LSM11: variants seen among roughly 807,000 people sequenced by gnomAD.
LSM11 encodes the protein U7 snRNA-associated Sm-like protein LSm11.
A neutral mutation model predicts 28.1 loss-of-function variants in LSM11; 14 were observed. The ratio of observed to expected loss-of-function variants is 0.50; its 90% CI spans 0.33 to 0.78. The LOEUF (loss-of-function observed/expected upper bound fraction) is 0.78. Ranked by LOEUF, LSM11 falls within the 30% of genes least tolerant of loss-of-function variation. The probability of loss-of-function intolerance (pLI) is 0.02; values close to 1 mark genes in which losing one functional copy is unlikely to be tolerated. For missense variants in LSM11, 495 were observed against 510.6 expected, an observed-to-expected ratio of 0.97 and a Z score of 0.30; for synonymous variants, 207 against 214.2, an observed-to-expected ratio of 0.97 and a Z score of 0.30.
Position 157,743,796 on chromosome 5 carries a change from C to A in LSM11, c.46C>A (p.Pro16Thr). ...GGCGAGGTCGGCTGGCGCCGGGAGC[C>A]CCGCGCGCCCGCCCAGCCCGCGGCT... Reference protein sequence around the residue: ...RGARSAGAGSPARPPSPRLDV... With the variant: ...RGARSAGAGSTARPPSPRLDV... The change falls in exon 1 of 4, where the codon CCC becomes ACC. Residue 16 changes from proline (P) to threonine (T), a missense_variant. Physicochemically the swap from Pro to Thr is conservative, Grantham distance 38. Coordinates refer to ENST00000286307, the MANE Select transcript of LSM11 (RefSeq NM_173491.4). 6.9e-7 allele frequency: 1 copy of A among 1,458,274 alleles called. No homozygotes were observed. Among genetic ancestry groups the A allele is most frequent in the Non-Finnish European group, 9.0e-7 (1 of 1,109,130 alleles). 90.3% of individuals were successfully genotyped at this position (1,458,274 alleles called of 1,614,324 possible).
In LSM11 at chr5:157,760,116, G is replaced by GGT. The variant is rs1220002617; in HGVS notation, c.*4853_*4854insTG. 1 of 152,186 alleles carries GGT rather than the reference G, an allele frequency of 6.6e-6. No individual in the cohort carries two copies. Among genetic ancestry groups the GGT allele is most frequent in the African/African-American group, 2.4e-5 (1 of 41,442 alleles). 9.4% of individuals were successfully genotyped at this position (152,186 alleles called of 1,614,324 possible). ...CTTTAAAAACACTCCTTGGAAAGAT[G>GGT]GGGACTGTCCCTTAGGAAAGCCATA... On this transcript the variant is annotated 3_prime_UTR_variant, in exon 4 of 4. Transcript: ENST00000286307.
In LSM11 at chr5:157,757,476, A is replaced by G. The variant is rs775088817; in HGVS notation, c.*2212A>G. On this transcript the variant is annotated 3_prime_UTR_variant, in exon 4 of 4. Transcript: ENST00000286307. ...AAAAATGACACATCCCGAAAGGGCA[A>G]TCTGTGGAAGTTTGTTGTTTGTTTG... 2.0e-5 allele frequency: 3 copies of G among 152,202 alleles called. No individual in the cohort carries two copies. Among genetic ancestry groups the G allele is most frequent in the Non-Finnish European group, 2.9e-5 (2 of 68,042 alleles). The allele number at this position is 152,202 out of a possible 1,614,324, so 9.4% of individuals were successfully genotyped here. A position where few individuals can be genotyped will look rare whatever the true frequency, so the allele number is the denominator to read the frequency against.
chr5:157,749,906 A>G (rs1761204728), intron 1 of LSM11, among the ~76,000 whole-genome samples: 1 of 152,248 alleles, frequency 6.6e-6, no homozygotes, highest in Non-Finnish European at 1.5e-5. Context: ...TAGTTATCCA[A>G]ACTGAAGTGC....
At position 157,759,987 on chromosome 5, in the gene LSM11, T is replaced by G. The variant is rs931534587; in HGVS notation, c.*4723T>G. ...CTGACAAGAAATAGTTCTGGATGGT[T>G]TGAAGATCTGCGGGGAAAAATAAGT... is the stretch of plus-strand genomic sequence containing the variant. On this transcript the variant is annotated 3_prime_UTR_variant, in exon 4 of 4. Coordinates refer to ENST00000286307, the MANE Select transcript of LSM11 (RefSeq NM_173491.4). 6.6e-6 allele frequency: 1 copy of G among 152,248 alleles called. No individual in the cohort carries two copies. The highest frequency in any genetic ancestry group is 2.4e-5 in the African/African-American group (1 of 41,468). The allele number at this position is 152,248 out of a possible 1,614,324, so 9.4% of individuals were successfully genotyped here.
chr5:157,753,589 TC>T (rs1761275680), intron 2 of LSM11, among the ~76,000 whole-genome samples: 2 of 152,200 alleles, frequency 1.3e-5, no homozygotes, highest in Admixed American at 6.5e-5. Flanking sequence ...CAAAGTGGGA[TC>T]TAAAGCCATC....
rs776789378 is a variant in LSM11, at chr5:157,754,995, C to T, written c.814C>T (p.Arg272Trp). The change falls in exon 4 of 4, where the codon CGG (arginine) becomes TGG (tryptophan). Residue 272 changes from arginine to tryptophan, a missense_variant. By Grantham distance (101) the Arg-to-Trp change is moderately radical. Transcript: ENST00000286307. ...AGTGTGGGGAAGAGCAGACACTGGC[C>T]GGGGCTCACACAAGCGTTCCCGCTC... ...ASVWGRADTG[R>W]GSHKRSRSVP... The T allele has an allele frequency of 9.9e-6, 16 of 1,614,084 alleles. No homozygotes were observed. Among genetic ancestry groups the T allele is most frequent in the East Asian group, 2.2e-5 (1 of 44,884 alleles).
chr5:157,754,787 C>G, intron 3 of LSM11, 67 bp from the exon 4 acceptor site: 2 of 1,372,874 alleles, frequency 1.5e-6, no homozygotes, highest in East Asian at 2.5e-5. Context: ...TGGTCTTTTT[C>G]TGTATGTTGA....
In LSM11 at chr5:157,755,472, A is replaced by G. The variant is rs1761309660; in HGVS notation, c.*208A>G. On this transcript the variant is annotated 3_prime_UTR_variant, in exon 4 of 4. Transcript: ENST00000286307. ...AGGCGTTTGCATTAATATCAAGGCAAAAAGCATTCATAGATACATGCATCT... is the reference window on the plus strand; with the variant it reads ...AGGCGTTTGCATTAATATCAAGGCAGAAAGCATTCATAGATACATGCATCT... 3 of 589,876 alleles carry G rather than the reference A, an allele frequency of 5.1e-6. No homozygotes were observed. The highest frequency in any genetic ancestry group is 8.9e-6 in the Non-Finnish European group (3 of 336,064). 36.5% of individuals were successfully genotyped at this position (589,876 alleles called of 1,614,324 possible). A position where few individuals can be genotyped will look rare whatever the true frequency, so the allele number is the denominator to read the frequency against.
intron 1 of LSM11, among the ~76,000 whole-genome samples, chr5:157,751,119 G>C (rs1395111975): frequency 1.3e-5 from 2 of 152,194 alleles, no homozygotes; most frequent in Non-Finnish European, 2.9e-5. Context: ...GTTAAAATCA[G>C]TGACATCGTG....
intron 1 of LSM11, among the ~76,000 whole-genome samples, chr5:157,744,501 C>A (rs935073495): frequency 1.3e-5 from 2 of 151,914 alleles, no homozygotes; most frequent in African/African-American, 4.8e-5. Flanking sequence ...TAATCGGGGC[C>A]CATGGAAGGG....
At chr5:157,745,472 T>G (rs1761133399) in intron 1 of LSM11, among the ~76,000 whole-genome samples, 1 of 152,204 alleles carries the variant, frequency 6.6e-6, no homozygotes, top group South Asian at 2.1e-4. Context: ...GTTCCCAAAA[T>G]GAGAGCAGTT....
chr5:157,753,988 T>C lies in LSM11; in HGVS notation c.589-16T>C, dbSNP rs746700403. 6.7e-7 allele frequency: 1 copy of C among 1,503,218 alleles called. No individual in the cohort carries two copies. Among genetic ancestry groups the C allele is most frequent in the East Asian group, 2.5e-5 (1 of 40,616 alleles). 93.1% of individuals were successfully genotyped at this position (1,503,218 alleles called of 1,614,324 possible). ...TAATTCTGTCTAATGTTTTTCCTTT[T>C]GGGCTGTTCCTCTAGGCACTTACTG... On this transcript the variant is annotated splice_polypyrimidine_tract_variant and intron_variant, in intron 2 of 3. Coordinates refer to ENST00000286307, the MANE Select transcript of LSM11 (RefSeq NM_173491.4).
At position 157,760,218 on chromosome 5, in the gene LSM11, T is replaced by C. The variant is rs1761388897; in HGVS notation, c.*4954T>C. On this transcript the variant is annotated 3_prime_UTR_variant, in exon 4 of 4. Coordinates refer to ENST00000286307, the MANE Select transcript of LSM11 (RefSeq NM_173491.4). ...CAAATGTGTGATGTTATGTCTGATG[T>C]TGTGTTTTTAGAGCTGTGAAAAGTC... The C allele has an allele frequency of 6.6e-6, 1 of 152,212 alleles. No homozygotes were observed. Among genetic ancestry groups the C allele is most frequent in the African/African-American group, 2.4e-5 (1 of 41,452 alleles). The allele number at this position is 152,212 out of a possible 1,614,324, so 9.4% of individuals were successfully genotyped here.
At position 157,744,119 on chromosome 5, in the gene LSM11, G is replaced by A. The variant is rs1294950824; in HGVS notation, c.369G>A (p.Gly123=). 3.4e-6 allele frequency: 5 copies of A among 1,481,882 alleles called. No homozygotes were observed. The African/African-American group carries it at 7.2e-5, about 21-fold the overall frequency. The allele number at this position is 1,481,882 out of a possible 1,614,324, so 91.8% of individuals were successfully genotyped here. The change falls in exon 1 of 4, where the codon GGG becomes GGA. Residue 123 remains glycine (G), a synonymous_variant. Coordinates refer to ENST00000286307, the MANE Select transcript of LSM11 (RefSeq NM_173491.4). ...LRRLMVAKEE[G]DGAAGAGRRG... ...GTCTCATGGTGGCCAAAGAGGAAGG[G>A]GACGGGGCCGCAGGAGCGGGCCGGA...
chr5:157,744,283 C>G, intron 1 of LSM11, 85 bp downstream of exon 1: 1 of 1,073,642 alleles, frequency 9.3e-7, no homozygotes, highest in Non-Finnish European at 1.2e-6. Flanking sequence ...CGGCGGTGGC[C>G]GGGCGCGGGT....
chr5:157,758,591 C>T lies in LSM11; in HGVS notation c.*3327C>T, dbSNP rs146334440. 2.6e-5 allele frequency: 4 copies of T among 152,306 alleles called. No homozygotes were observed. The highest frequency in any genetic ancestry group is 9.6e-5 in the African/African-American group (4 of 41,570). The allele number at this position is 152,306 out of a possible 1,614,324, so 9.4% of individuals were successfully genotyped here. A position where few individuals can be genotyped will look rare whatever the true frequency, so the allele number is the denominator to read the frequency against. On this transcript the variant is annotated 3_prime_UTR_variant, in exon 4 of 4. Transcript: ENST00000286307. ...TAATGATAGAGTCGGGGAACTCCCA[C>T]TAGCTCACCTGAGGGGGGCTCGATG...
chr5:157,753,912 G>C (rs887390153), intron 2 of LSM11, 92 bp from the exon 3 acceptor site: 2 of 893,590 alleles, frequency 2.2e-6, no homozygotes, highest in Non-Finnish European at 1.6e-6. Context: ...CTGAATAGAT[G>C]TTACTCTGCC....
chr5:157,750,234 G>A (rs939099818), intron 1 of LSM11, among the ~76,000 whole-genome samples: 1 of 152,216 alleles, frequency 6.6e-6, no homozygotes, highest in Non-Finnish European at 1.5e-5. Context: ...CTGGGTGACA[G>A]TGAGACCCTG....
Position 157,755,009 on chromosome 5 carries a change from G to A in LSM11, c.828G>A (p.Lys276=). ...CAGACACTGGCCGGGGCTCACACAA[G>A]CGTTCCCGCTCTGTCCCTTCTTCCC... ...GRADTGRGSH[K]RSRSVPSSLQ... Residue 276 remains lysine, a synonymous_variant, in exon 4 of 4, where the codon AAG becomes AAA. Transcript: ENST00000286307. The A allele has an allele frequency of 6.2e-7, 1 of 1,614,144 alleles. No homozygotes were observed. The highest frequency in any genetic ancestry group is 8.5e-7 in the Non-Finnish European group (1 of 1,180,000).
Sources: gnomAD v4.1 joint callset for allele counts (sites outside exome capture counted in the v4.1 genomes callset) on GRCh38, gnomAD v4.1.1 for gene constraint, MANE v1.5 for transcripts, NCBI Gene and HGNC (gene_info 2026-07-23, HGNC 2026-07-21) for gene names.